USP8: variants seen among roughly 807,000 people sequenced by gnomAD.
USP8 encodes the protein ubiquitin specific peptidase 8.
A neutral mutation model predicts 130.0 loss-of-function variants in USP8; 27 were observed. The observed-to-expected ratio is 0.21, with a 90% CI of 0.15 to 0.29. The LOEUF is 0.29. Ranked by LOEUF, USP8 falls within the 10% of genes least tolerant of loss-of-function variation. The probability of loss-of-function intolerance (pLI) is 1.00; values close to 1 mark genes in which losing one functional copy is unlikely to be tolerated. For missense variants in USP8, 1,029 were observed against 1,312.2 expected, an observed-to-expected ratio of 0.78 and a Z score of 3.33; for synonymous variants, 392 against 444.1, an observed-to-expected ratio of 0.88 and a Z score of 1.48.
At chr15:50,468,079 G>T (rs1436797753) in intron 7 of USP8, among the ~76,000 whole-genome samples, 1 of 151,698 alleles carries the variant, frequency 6.6e-6, no homozygotes, top group Non-Finnish European at 1.5e-5. Flanking sequence ...GGGATTACAG[G>T]CACGTGTCAC....
rs1419918293 is a variant in USP8, at chr15:50,454,886, TC to T, written c.336-4111del. Among the ~76,000 whole-genome samples, 4 of 152,100 alleles carry T rather than the reference TC, an allele frequency of 2.6e-5. No homozygotes were observed. In the East Asian group the frequency reaches 5.8e-4, roughly 22 times the overall value. On this transcript the variant is annotated intron_variant, in intron 4 of 19. Transcript: ENST00000307179. The stretch of plus-strand genomic sequence containing the variant: ...TCCTCAAACTCCTGGGCTCAAGCAA[TC>T]CCACCTCAGCCTCCTGAGTAGGTGG...
intron 1 of USP8, among the ~76,000 whole-genome samples, chr15:50,435,861 T>G (rs1415823479): frequency 1.3e-5 from 2 of 152,198 alleles, no homozygotes; most frequent in African/African-American, 4.8e-5. Flanking sequence ...CCTAAAATCT[T>G]TGGTGACATC....
rs1011374885 is a variant in USP8 at position 50,501,118 on chromosome 15, C to T, written c.*2030C>T. On this transcript the variant is annotated 3_prime_UTR_variant, in exon 20 of 20. Coordinates refer to ENST00000307179, the MANE Select transcript of USP8 (RefSeq NM_005154.5). ...TGTTTATCAGTGAACATTTAGTTAG[C>T]ACTTAATATACATCAACTATTAAGC... 7 of 336,326 alleles carry T rather than the reference C, an allele frequency of 2.1e-5. No homozygotes were observed. Among genetic ancestry groups the T allele is most frequent in the African/African-American group, 1.5e-4 (7 of 47,420 alleles). 20.8% of individuals were successfully genotyped at this position (336,326 alleles called of 1,614,324 possible).
At chr15:50,455,467 T>A (rs1474254480) in intron 4 of USP8, among the ~76,000 whole-genome samples, 1 of 152,182 alleles carries the variant, frequency 6.6e-6, no homozygotes, top group African/African-American at 2.4e-5. Flanking sequence ...ACAAGCACAT[T>A]TTCATTTACG....
chr15:50,434,757 C>T (rs1423129970), intron 1 of USP8, among the ~76,000 whole-genome samples: 1 of 151,954 alleles, frequency 6.6e-6, no homozygotes, highest in Admixed American at 6.6e-5. Flanking sequence ...GCTGGAATTA[C>T]AGGCATGTGC....
intron 5 of USP8, among the ~76,000 whole-genome samples, chr15:50,460,763 T>C (rs140122740): frequency 2.0e-5 from 3 of 152,198 alleles, no homozygotes; most frequent in African/African-American, 7.2e-5. Context: ...TCCTAAAATA[T>C]AAGTTGAAAT....
chr15:50,490,256 A>G lies in USP8; in HGVS notation c.1972-7A>G, dbSNP rs1463117337. ...TGACCTGTTTTTTTTTTTCTTTTCC[A>G]TCTAAGTTTCTTGACCCAATCACTG... On this transcript the variant is annotated splice_region_variant and splice_polypyrimidine_tract_variant and intron_variant, in intron 13 of 19. Coordinates refer to ENST00000307179, the MANE Select transcript of USP8 (RefSeq NM_005154.5). 54 of 1,567,332 alleles carry G rather than the reference A, an allele frequency of 3.4e-5. No homozygotes were observed. The highest frequency in any genetic ancestry group is 4.1e-5 in the Non-Finnish European group (48 of 1,161,656).
At chr15:50,469,251 C>T (rs1226087277) in intron 7 of USP8, among the ~76,000 whole-genome samples, 2 of 151,890 alleles carry the variant, frequency 1.3e-5, no homozygotes, top group Non-Finnish European at 2.9e-5. Context: ...TAGGGCTATA[C>T]AATTTCCTAT....
Position 50,465,065 on chromosome 15 carries a change from A to C in USP8, c.560A>C (p.Glu187Ala), listed in dbSNP as rs772431442. 1 of 1,614,118 alleles carries C rather than the reference A, an allele frequency of 6.2e-7. No individual in the cohort carries two copies. The highest frequency in any genetic ancestry group is 8.5e-7 in the Non-Finnish European group (1 of 1,180,002). Residue 187 changes from glutamate to alanine, a missense_variant, in exon 7 of 20, where the codon GAA (glutamate) becomes GCA (alanine). Transcript: ENST00000307179. ...TTCCAAGGAGCAATCACAGCAAAGG[A>C]ACTATACACAATGATGACGGATAAA... is the stretch of plus-strand genomic sequence containing the variant. Reference protein sequence around the residue: ...TKEKGAITAKELYTMMTDKNI... With the variant: ...TKEKGAITAKALYTMMTDKNI...
intron 4 of USP8, among the ~76,000 whole-genome samples, chr15:50,453,329 ATC>A (rs2050682782): frequency 6.6e-6 from 1 of 152,176 alleles, no homozygotes; most frequent in Admixed American, 6.5e-5. Flanking sequence ...ATTTTCATAA[ATC>A]TATTGTTTTC....
chr15:50,437,855 C>T (rs781641181), intron 1 of USP8, among the ~76,000 whole-genome samples: 1 of 152,166 alleles, frequency 6.6e-6, no homozygotes, highest in Non-Finnish European at 1.5e-5. Flanking sequence ...ACACAGGACC[C>T]AGGGTGGATG....
At chr15:50,438,771 C>T (rs1440550200) in intron 1 of USP8, among the ~76,000 whole-genome samples, 4 of 152,010 alleles carry the variant, frequency 2.6e-5, no homozygotes, top group African/African-American at 9.7e-5. Context: ...GTAAGATTCC[C>T]AACTCTTAAG....
chr15:50,492,043 G>C (rs1340328816), intron 14 of USP8, among the ~76,000 whole-genome samples: 1 of 151,940 alleles, frequency 6.6e-6, no homozygotes, highest in Non-Finnish European at 1.5e-5. Context: ...TGTATTTTTA[G>C]TAGAGACGGG....
In USP8 at chr15:50,471,581, A is replaced by G. The variant is rs146726710; in HGVS notation, c.687-52A>G. 8,107 of 1,587,458 alleles carry G rather than the reference A, an allele frequency of 5.1e-3. 29 individuals are homozygous for G. The highest frequency in any genetic ancestry group is 6.4e-3 in the Non-Finnish European group (7,431 of 1,168,224). On this transcript the variant is annotated intron_variant, in intron 7 of 19. Transcript: ENST00000307179. ...AAAACTGAGTGTCTTCTGTTAGTAT[A>G]TTAGGACCTCTTGTTGACTTTTGCC...
chr15:50,495,730 C>T, intron 16 of USP8, 118 bp from the exon 17 acceptor site: 1 of 801,378 alleles, frequency 1.2e-6, no homozygotes, highest in Middle Eastern at 2.9e-4. Flanking sequence ...ATCAGAACTC[C>T]TTTATGAGAA....
At chr15:50,459,749 A>G (rs1468529771) in intron 5 of USP8, among the ~76,000 whole-genome samples, 1 of 152,172 alleles carries the variant, frequency 6.6e-6, no homozygotes, top group Admixed American at 6.5e-5. Context: ...GCTGTGATTT[A>G]TTATATCTGC....
Position 50,500,453 on chromosome 15 carries a change from ACACTG to A in USP8, c.*1367_*1371del, listed in dbSNP as rs540258337. ...CATCCATTAGCATTGCATTATATTC[ACACTG>A]CCTTTTTTAGTGAACCAAGACCCAT... On this transcript the variant is annotated 3_prime_UTR_variant, in exon 20 of 20. Coordinates refer to ENST00000307179, the MANE Select transcript of USP8 (RefSeq NM_005154.5). 517 of 254,272 alleles carry A rather than the reference ACACTG, an allele frequency of 2.0e-3. 1 individual carries two copies. Among genetic ancestry groups the A allele is most frequent in the Non-Finnish European group, 2.7e-3 (347 of 128,022 alleles). 15.8% of individuals were successfully genotyped at this position (254,272 alleles called of 1,614,324 possible).
chr15:50,431,557 TG>T (rs2049932700), intron 1 of USP8, among the ~76,000 whole-genome samples: 1 of 152,210 alleles, frequency 6.6e-6, no homozygotes, highest in Non-Finnish European at 1.5e-5. Flanking sequence ...GTGGTGACTA[TG>T]TGAGGACTAT....
chr15:50,471,041 C>T (rs2051360548), intron 7 of USP8, among the ~76,000 whole-genome samples: 1 of 152,196 alleles, frequency 6.6e-6, no homozygotes, highest in Admixed American at 6.5e-5. Flanking sequence ...TTAATTCTGG[C>T]TCCACTTACC....
Sources: allele counts gnomAD v4.1 joint callset (sites outside exome capture counted in the v4.1 genomes callset), GRCh38; gene constraint gnomAD v4.1.1; transcripts MANE v1.5; gene names NCBI Gene and HGNC (gene_info 2026-07-23, HGNC 2026-07-21).